Variants in ZNF25 observed in about 807,000 individuals in gnomAD.
The protein encoded by ZNF25 is zinc finger protein 25.
Under a neutral mutation model 30.9 loss-of-function variants are expected in ZNF25, and 21 were observed. That is an observed-to-expected ratio of 0.68 (90% CI 0.48 to 0.98). The LOEUF (loss-of-function observed/expected upper bound fraction) is 0.98, where lower values mean the gene tolerates loss of function less well. Ranked by LOEUF, ZNF25 falls within the 50% of genes least tolerant of loss-of-function variation. The probability of loss-of-function intolerance (pLI) is 0.00; values close to 1 mark genes in which losing one functional copy is unlikely to be tolerated. For synonymous variants in ZNF25, 169 were observed against 181.3 expected (o/e 0.93, Z 0.55); for missense variants, 501 against 529.9 (o/e 0.95, Z 0.54).
intron 5 of ZNF25, 123 bp downstream of exon 5, chr10:37,953,572 G>T: frequency 1.2e-6 from 1 of 860,964 alleles, no homozygotes; most frequent in Non-Finnish European, 1.9e-6. Context: ...TATTCCTTGG[G>T]ATTTGCTCTG....
rs568899161 is a variant in ZNF25 at position 37,950,755 on chromosome 10, A to G, written c.*1372T>C. 12 of 152,278 alleles carry G rather than the reference A, an allele frequency of 7.9e-5. No homozygotes were observed. The South Asian group carries it at 2.1e-3, about 26-fold the overall frequency. The allele number at this position is 152,278 out of a possible 1,614,324, so 9.4% of individuals were successfully genotyped here. ...GGGATGGGAACTGAGGCACAGAGAT[A>G]TTAAGTAGCATGCCCCATGCTGGAA... On this transcript the variant is annotated 3_prime_UTR_variant, in exon 6 of 6. Transcript: ENST00000302609.
chr10:37,957,356 A>T, intron 3 of ZNF25, 64 bp downstream of exon 3: 4 of 1,554,894 alleles, frequency 2.6e-6, no homozygotes, highest in Non-Finnish European at 3.5e-6. Flanking sequence ...GACATTTTAT[A>T]CTCCAGTAAC....
chr10:37,961,692 C>T (rs2062881012), intron 2 of ZNF25, among the ~76,000 whole-genome samples: 1 of 151,882 alleles, frequency 6.6e-6, no homozygotes, highest in African/African-American at 2.4e-5. Flanking sequence ...GAGGCCGAGG[C>T]AGGCAGATCA....
intron 2 of ZNF25, among the ~76,000 whole-genome samples, chr10:37,964,490 G>A (rs780888187): frequency 3.4e-4 from 51 of 152,172 alleles, no homozygotes; most frequent in Middle Eastern, 3.2e-3. Flanking sequence ...ATTGGAAACC[G>A]GAGTATAGGT....
intron 2 of ZNF25, 68 bp downstream of exon 2, chr10:37,971,633 ACACACAC>A: frequency 4.2e-6 from 2 of 470,822 alleles, no homozygotes. Flanking sequence ...CTCATTAAAC[ACACACAC>A]ACACACACAC....
intron 1 of ZNF25, among the ~76,000 whole-genome samples, chr10:37,972,025 A>C (rs1056306074): frequency 6.6e-6 from 1 of 152,224 alleles, no homozygotes; most frequent in Non-Finnish European, 1.5e-5. Context: ...CTGTTTTCTG[A>C]ATAACACAAA....
rs1181294420 is a variant in ZNF25, at chr10:37,951,222, G to A, written c.*905C>T. On this transcript the variant is annotated 3_prime_UTR_variant, in exon 6 of 6. Coordinates refer to ENST00000302609, the MANE Select transcript of ZNF25 (RefSeq NM_145011.4). ...TACAATACAAATATTAACAACCAGAGTCACTACTGAGACTTAATGTGCAAC... is the reference window on the plus strand; with the variant it reads ...TACAATACAAATATTAACAACCAGAATCACTACTGAGACTTAATGTGCAAC... 1 of 152,200 alleles carries A rather than the reference G, an allele frequency of 6.6e-6. No homozygotes were observed. Among genetic ancestry groups the A allele is most frequent in the East Asian group, 1.9e-4 (1 of 5,184 alleles). The allele number at this position is 152,200 out of a possible 1,614,324, so 9.4% of individuals were successfully genotyped here. A position where few individuals can be genotyped will look rare whatever the true frequency, so the allele number is the denominator to read the frequency against.
At position 37,975,250 on chromosome 10, in the gene ZNF25, G is replaced by A. The variant is rs568062379; in HGVS notation, c.-86+1256C>T. ...AATTTATTAGCTATCAGAATAGCTAGAAGATTTCGAATATTTGCAACACAA... is the reference window on the plus strand; with the variant it reads ...AATTTATTAGCTATCAGAATAGCTAAAAGATTTCGAATATTTGCAACACAA... On this transcript the variant is annotated intron_variant, in intron 1 of 5. Transcript: ENST00000302609. Among the ~76,000 whole-genome samples, 5 of 152,170 alleles carry A rather than the reference G, an allele frequency of 3.3e-5. 1 individual carries two copies. In the East Asian group the frequency reaches 9.6e-4, roughly 29 times the overall value.
At position 37,952,536 on chromosome 10, in the gene ZNF25, T is replaced by C; in HGVS notation, c.962A>G (p.Lys321Arg). ...EKPYECKECR[K>R]CFYQKSALTV... ...GAGGGCTGACTTCTGGTAGAAGCAT[T>C]TCCTACATTCCTTACATTCATAGGG... Residue 321 changes from lysine to arginine, a missense_variant, in exon 6 of 6, where the codon AAA becomes AGA. Physicochemically the swap from Lys to Arg is conservative, Grantham distance 26 (BLOSUM62 2). Transcript: ENST00000302609. 12 of 1,613,886 alleles carry C rather than the reference T, an allele frequency of 7.4e-6. No individual in the cohort carries two copies. The highest frequency in any genetic ancestry group is 1.0e-5 in the Non-Finnish European group (12 of 1,179,934).
intron 4 of ZNF25, 123 bp from the exon 5 acceptor site, chr10:37,953,881 A>G: frequency 1.1e-6 from 1 of 887,896 alleles, no homozygotes. Flanking sequence ...AATTTCCTCT[A>G]GCCCATTGTT....
At position 37,952,392 on chromosome 10, in the gene ZNF25, G is replaced by T; in HGVS notation, c.1106C>A (p.Pro369His). The T allele has an allele frequency of 6.2e-7, 1 of 1,614,042 alleles. No homozygotes were observed. Among genetic ancestry groups the T allele is most frequent in the Non-Finnish European group, 8.5e-7 (1 of 1,179,992 alleles). ...KHQRKHTGEK[P>H]YECTECGKSF... ...TTTGCCACATTCTGTGCATTCATAG[G>T]GCTTCTCCCCTGTGTGTTTTCTCTG... The change falls in exon 6 of 6, where the codon CCC (proline) becomes CAC (histidine). Residue 369 changes from proline (P) to histidine (H), a missense_variant. By Grantham distance (77) the Pro-to-His change is moderately conservative. Transcript: ENST00000302609.
At chr10:37,972,656 T>C (rs536266291) in intron 1 of ZNF25, among the ~76,000 whole-genome samples, 2 of 152,152 alleles carry the variant, frequency 1.3e-5, no homozygotes. Context: ...AAGCACTTCA[T>C]ATAGGTAGCA....
At chr10:37,975,958 T>C (rs563662978) in intron 1 of ZNF25, among the ~76,000 whole-genome samples, 1 of 152,364 alleles carries the variant, frequency 6.6e-6, no homozygotes, top group East Asian at 1.9e-4. Context: ...TCTCTCTGAA[T>C]CTTTAATAGT....
At chr10:37,973,243 C>A (rs114361571) in intron 1 of ZNF25, among the ~76,000 whole-genome samples, 8,621 of 151,708 alleles carry the variant, frequency 0.057, 371 homozygotes, top group Non-Finnish European at 0.077. Flanking sequence ...AGAAAGCAAT[C>A]CCATTTACAA....
rs539516953 is a variant in ZNF25 at position 37,955,844 on chromosome 10, C to T, written c.238+1176G>A. On this transcript the variant is annotated intron_variant, in intron 4 of 5. Coordinates refer to ENST00000302609, the MANE Select transcript of ZNF25 (RefSeq NM_145011.4). Reference sequence around the variant, plus strand: ...GACTACAGGTGTGCACCACCAAGCCCGGCTAATTTTTGTATTTTTAGTAGA... The same window carrying T: ...GACTACAGGTGTGCACCACCAAGCCTGGCTAATTTTTGTATTTTTAGTAGA... Among the ~76,000 whole-genome samples, 11 of 152,084 alleles carry T rather than the reference C, an allele frequency of 7.2e-5. No individual in the cohort carries two copies. The East Asian group carries it at 1.9e-3, about 27-fold the overall frequency.
chr10:37,972,256 C>T (rs886415719), intron 1 of ZNF25, among the ~76,000 whole-genome samples: 1 of 152,292 alleles, frequency 6.6e-6, no homozygotes, highest in South Asian at 2.1e-4. Context: ...GACATTTCTT[C>T]TCCCTAAATT....
At chr10:37,973,720 G>A (rs1323497164) in intron 1 of ZNF25, among the ~76,000 whole-genome samples, 1 of 151,784 alleles carries the variant, frequency 6.6e-6, no homozygotes, top group Non-Finnish European at 1.5e-5. Context: ...GCAGTCTACA[G>A]ATTAAATGCA....
chr10:37,951,316 T>C lies in ZNF25; in HGVS notation c.*811A>G, dbSNP rs2062132492. ...TCGCTATGTACCATTATGGATGGATTCCACATGCACGCTGAACATCCGCAA... is the reference window on the plus strand; with the variant it reads ...TCGCTATGTACCATTATGGATGGATCCCACATGCACGCTGAACATCCGCAA... On this transcript the variant is annotated 3_prime_UTR_variant, in exon 6 of 6. Transcript: ENST00000302609. 1 of 152,516 alleles carries C rather than the reference T, an allele frequency of 6.6e-6. No individual in the cohort carries two copies. The highest frequency in any genetic ancestry group is 6.5e-5 in the Admixed American group (1 of 15,278). 9.4% of individuals were successfully genotyped at this position (152,516 alleles called of 1,614,324 possible).
chr10:37,961,423 A>C (rs1382934309), intron 2 of ZNF25, among the ~76,000 whole-genome samples: 1 of 152,214 alleles, frequency 6.6e-6, no homozygotes, highest in Non-Finnish European at 1.5e-5. Flanking sequence ...GTTAAAAGAC[A>C]AAGAAAAAAT....
Sources: allele counts gnomAD v4.1 joint callset (sites outside exome capture counted in the v4.1 genomes callset), GRCh38; gene constraint gnomAD v4.1.1; transcripts MANE v1.5; gene names NCBI Gene and HGNC (gene_info 2026-07-23, HGNC 2026-07-21).